The following KAZN variants were observed in gnomAD, a reference collection of about 807,000 sequenced individuals.
KAZN encodes kazrin.
A neutral mutation model predicts 87.4 loss-of-function variants in KAZN; 40 were observed. The ratio of observed to expected loss-of-function variants is 0.46; its 90% CI spans 0.36 to 0.60. The LOEUF is 0.60. KAZN is among the 20% of genes least tolerant of loss of function. The probability of loss-of-function intolerance (pLI) is 0.00; values close to 1 mark genes in which losing one functional copy is unlikely to be tolerated. For synonymous variants in KAZN, 466 were observed against 458.3 expected (o/e 1.02, Z -0.22); for missense variants, 898 against 1,073.9 (o/e 0.84, Z 2.29).
intron 1 of KAZN, among the ~76,000 whole-genome samples, chr1:14,621,042 A>T (rs1230632829): frequency 3.3e-5 from 5 of 152,064 alleles, no homozygotes; most frequent in African/African-American, 1.2e-4. Flanking sequence ...GCAGATAGGC[A>T]GCTCCAAGGA....
chr1:14,787,137 G>T (rs147201235), intron 1 of KAZN, among the ~76,000 whole-genome samples: 1 of 152,310 alleles, frequency 6.6e-6, no homozygotes, highest in African/African-American at 2.4e-5. Flanking sequence ...GTTCAAGTCT[G>T]ATTTTGGTCA....
intron 10 of KAZN, among the ~76,000 whole-genome samples, chr1:15,095,567 A>G (rs1423166491): frequency 6.6e-6 from 1 of 151,298 alleles, no homozygotes; most frequent in Non-Finnish European, 1.5e-5. Context: ...TTTGTTGAGC[A>G]GGGGCAGCTA....
intron 2 of KAZN, among the ~76,000 whole-genome samples, chr1:14,474,304 TA>T (rs75368164): frequency 1.4e-4 from 21 of 148,776 alleles, no homozygotes; most frequent in Middle Eastern, 6.9e-3. Context: ...AAACGTACTT[TA>T]AAAAAAAAAG....
At chr1:14,559,247 A>T (rs2148524878) in intron 2 of KAZN, among the ~76,000 whole-genome samples, 1 of 152,310 alleles carries the variant, frequency 6.6e-6, no homozygotes, top group South Asian at 2.1e-4. Context: ...AGACAAAGGA[A>T]ATGTAGCTAT....
At position 14,715,360 on chromosome 1, in the gene KAZN, A is replaced by C. The variant is rs149280180; in HGVS notation, c.226+116137A>C. Among the ~76,000 whole-genome samples the C allele has an allele frequency of 3.0e-3, 461 of 152,298 alleles. 3 individuals carry two copies. Among genetic ancestry groups the C allele is most frequent in the African/African-American group, 0.011 (455 of 41,574 alleles). ...GATGGGAGGGGCTGGGTCCTTGCCT[A>C]TAGTGCTTTACCTTCACGAGGGAGG... is the stretch of plus-strand genomic sequence containing the variant. On this transcript the variant is annotated intron_variant, in intron 1 of 14. Coordinates refer to ENST00000376030, the MANE Select transcript of KAZN (RefSeq NM_201628.3).
chr1:14,821,431 C>T (rs758566762), intron 1 of KAZN, among the ~76,000 whole-genome samples: 11 of 151,526 alleles, frequency 7.3e-5, no homozygotes, highest in Non-Finnish European at 1.0e-4. Flanking sequence ...GCAGGAGAAT[C>T]GCTTGAACCC....
intron 1 of KAZN, among the ~76,000 whole-genome samples, chr1:14,124,828 G>A (rs766696200): frequency 2.6e-5 from 4 of 152,220 alleles, no homozygotes; most frequent in Non-Finnish European, 5.9e-5. Flanking sequence ...GCATGGAAAT[G>A]TGGTTTGGAA....
chr1:14,542,300 G>C (rs1396457687), intron 2 of KAZN, among the ~76,000 whole-genome samples: 2 of 136,408 alleles, frequency 1.5e-5, no homozygotes, highest in South Asian at 2.8e-4. Context: ...GTTGTGGGGT[G>C]GGGGGAGGGG....
intron 1 of KAZN, among the ~76,000 whole-genome samples, chr1:14,753,918 T>C (rs1249341045): frequency 1.3e-5 from 2 of 152,236 alleles, no homozygotes; most frequent in African/African-American, 2.4e-5. Context: ...TAGCGTCTTC[T>C]TGCTGTGTCC....
At chr1:14,239,456 T>A (rs921539746) in intron 2 of KAZN, among the ~76,000 whole-genome samples, 11 of 64,664 alleles carry the variant, frequency 1.7e-4, no homozygotes, top group African/African-American at 7.1e-4. Context: ...GTTGGGTTTC[T>A]TTTTTTTTTT....
intron 1 of KAZN, among the ~76,000 whole-genome samples, chr1:14,931,754 C>T (rs1659847838): frequency 6.6e-6 from 1 of 152,192 alleles, no homozygotes; most frequent in African/African-American, 2.4e-5. Flanking sequence ...AGGGCACATA[C>T]TCTGGTTTAC....
At chr1:14,959,205 G>A (rs905075507) in intron 1 of KAZN, among the ~76,000 whole-genome samples, 7 of 152,202 alleles carry the variant, frequency 4.6e-5, no homozygotes, top group African/African-American at 1.2e-4. Context: ...CCAACATTGA[G>A]TTTGGGAAAG....
At chr1:14,541,853 G>A (rs554680354) in intron 2 of KAZN, among the ~76,000 whole-genome samples, 13 of 152,274 alleles carry the variant, frequency 8.5e-5, no homozygotes, top group African/African-American at 2.2e-4. Flanking sequence ...CTTTAAAGGC[G>A]GCCTTCTATG....
intron 2 of KAZN, among the ~76,000 whole-genome samples, chr1:14,465,656 A>G (rs574901376): frequency 3.0e-4 from 46 of 152,242 alleles, no homozygotes; most frequent in Non-Finnish European, 5.0e-4. Context: ...TGTTGGCCAA[A>G]CAAGTCACTG....
intron 2 of KAZN, among the ~76,000 whole-genome samples, chr1:14,563,236 C>T (rs1674355626): frequency 6.6e-6 from 1 of 152,210 alleles, no homozygotes; most frequent in Admixed American, 6.5e-5. Flanking sequence ...CTACCAAGTG[C>T]ATTCAATCAC....
chr1:14,888,152 A>G (rs7518951), intron 1 of KAZN, among the ~76,000 whole-genome samples: 3,321 of 152,214 alleles, frequency 0.022, 124 homozygotes, highest in African/African-American at 0.075. Context: ...GGGCAGCTCT[A>G]TTGTGAAGTC....
chr1:13,924,368 A>G lies in KAZN; in HGVS notation c.91+30612A>G, dbSNP rs143411208. On this transcript the variant is annotated intron_variant, in intron 1 of 16. Coordinates refer to the KAZN transcript ENST00000636203. ...AACTTCAGTAATATTTTCTTTTATT[A>G]AAATACACTGAAGCAAATAAAGTGA... Among the ~76,000 whole-genome samples the G allele has an allele frequency of 4.6e-5, 7 of 152,338 alleles. No homozygotes were observed. The East Asian group carries it at 1.3e-3, about 29-fold the overall frequency.
In KAZN at chr1:14,346,200, T is replaced by C. The variant is rs117216299; in HGVS notation, c.249+165608T>C. On this transcript the variant is annotated intron_variant, in intron 2 of 16. Transcript: ENST00000636203. ...GTACTTCCTGTGTGGCTTGTTACTG[T>C]ACATGAAAATGCACAAGACTCTTCC... Among the ~76,000 whole-genome samples the C allele has an allele frequency of 2.7e-3, 410 of 152,258 alleles. 16 individuals carry two copies. In the East Asian group the frequency reaches 0.069, roughly 26 times the overall value.
chr1:14,550,738 T>TCTCTCTCTCTCC (rs1329797253), intron 2 of KAZN, among the ~76,000 whole-genome samples: 23 of 37,984 alleles, frequency 6.1e-4, no homozygotes, highest in Non-Finnish European at 9.6e-4. Context: ...TCTCTCTCTC[T>TCTCTCTCTCTCC]CCCCCACCCC....
Sources: gnomAD v4.1 joint callset for allele counts (sites outside exome capture counted in the v4.1 genomes callset) on GRCh38, gnomAD v4.1.1 for gene constraint, MANE v1.5 for transcripts, NCBI Gene and HGNC (gene_info 2026-07-23, HGNC 2026-07-21) for gene names.